The following MAGI2 variants were observed in gnomAD, a reference collection of about 807,000 sequenced individuals.
The protein encoded by MAGI2 is membrane associated guanylate kinase, WW and PDZ domain containing 2, also known as membrane-associated guanylate kinase, WW and PDZ domain-containing protein 2.
A neutral mutation model predicts 133.3 loss-of-function variants in MAGI2; 35 were observed. The observed-to-expected ratio is 0.26, with a 90% CI of 0.20 to 0.35. The LOEUF (loss-of-function observed/expected upper bound fraction) is 0.35, where lower values mean the gene tolerates loss of function less well. MAGI2 is among the 10% of genes least tolerant of loss of function. The pLI, the probability that MAGI2 is intolerant of heterozygous loss-of-function variation, is 1.00. For missense variants in MAGI2, 1,636 were observed against 1,863.4 expected, an observed-to-expected ratio of 0.88 and a Z score of 2.25; for synonymous variants, 729 against 710.6, an observed-to-expected ratio of 1.03 and a Z score of -0.41.
At chr7:78,470,727 T>C (rs1038450773) in intron 6 of MAGI2, among the ~76,000 whole-genome samples, 2 of 152,092 alleles carry the variant, frequency 1.3e-5, no homozygotes, top group Non-Finnish European at 2.9e-5. Flanking sequence ...CATAGAGAAG[T>C]GATAATTTTT....
chr7:78,461,680 G>C (rs1790034454), intron 6 of MAGI2, among the ~76,000 whole-genome samples: 1 of 152,026 alleles, frequency 6.6e-6, no homozygotes, highest in African/African-American at 2.4e-5. Flanking sequence ...GGGAGGCTGA[G>C]GTGGGCGGAT....
intron 2 of MAGI2, among the ~76,000 whole-genome samples, chr7:78,705,687 C>T (rs934203807): frequency 3.9e-5 from 6 of 151,926 alleles, no homozygotes; most frequent in Non-Finnish European, 5.9e-5. Flanking sequence ...GTCATGTAGG[C>T]CAATATTTTC....
chr7:79,251,117 C>T (rs1585326998), intron 1 of MAGI2, among the ~76,000 whole-genome samples: 1 of 152,212 alleles, frequency 6.6e-6, no homozygotes, highest in South Asian at 2.1e-4. Context: ...AATCTGAGAC[C>T]TCAAACTATG....
In MAGI2 at chr7:78,179,577, A is replaced by C. The variant is rs144221274; in HGVS notation, c.2312-1475T>G. Among the ~76,000 whole-genome samples, 5 of 152,344 alleles carry C rather than the reference A, an allele frequency of 3.3e-5. No homozygotes were observed. The East Asian group carries it at 9.6e-4, about 29-fold the overall frequency. ...ATAAAGATGAATCAGGCGCTTAAGT[A>C]CATATGTTTATATGCATTGTACAAG... On this transcript the variant is annotated intron_variant, in intron 13 of 21. Transcript: ENST00000354212.
chr7:79,129,196 A>G (rs576911447), intron 1 of MAGI2, among the ~76,000 whole-genome samples: 1 of 152,314 alleles, frequency 6.6e-6, no homozygotes, highest in East Asian at 1.9e-4. Context: ...GAACACTTAC[A>G]TTAGCCTACA....
chr7:78,106,296 T>G (rs1818685324), intron 20 of MAGI2, among the ~76,000 whole-genome samples: 1 of 152,302 alleles, frequency 6.6e-6, no homozygotes, highest in East Asian at 1.9e-4. Flanking sequence ...TCTTTGCTAT[T>G]GTGAATACCA....
intron 2 of MAGI2, among the ~76,000 whole-genome samples, chr7:78,835,527 G>A (rs1791543399): frequency 6.6e-6 from 1 of 152,184 alleles, no homozygotes; most frequent in African/African-American, 2.4e-5. Context: ...CCCTGAGGAA[G>A]TGAATCTCCT....
intron 1 of MAGI2, among the ~76,000 whole-genome samples, chr7:79,357,709 G>A (rs1842114183): frequency 6.6e-6 from 1 of 152,056 alleles, no homozygotes; most frequent in African/African-American, 2.4e-5. Flanking sequence ...TTTAAGAAAT[G>A]GAACCCCATC....
intron 2 of MAGI2, among the ~76,000 whole-genome samples, chr7:78,694,525 TAC>T (rs1817297447): frequency 1.3e-5 from 2 of 152,226 alleles, no homozygotes; most frequent in East Asian, 3.9e-4. Context: ...TACACACTCA[TAC>T]ACAGAGACTC....
chr7:78,505,291 A>G (rs188939786), intron 4 of MAGI2, among the ~76,000 whole-genome samples: 2 of 152,318 alleles, frequency 1.3e-5, no homozygotes, highest in East Asian at 1.9e-4. Flanking sequence ...GAAATAAAGT[A>G]TCTATTAGAA....
At chr7:78,748,400 T>C (rs1439164277) in intron 2 of MAGI2, among the ~76,000 whole-genome samples, 1 of 152,200 alleles carries the variant, frequency 6.6e-6, no homozygotes, top group Non-Finnish European at 1.5e-5. Context: ...GATAAGATCC[T>C]CATCAAATTG....
At chr7:79,122,523 A>G (rs1819995921) in intron 1 of MAGI2, among the ~76,000 whole-genome samples, 1 of 152,242 alleles carries the variant, frequency 6.6e-6, no homozygotes, top group Admixed American at 6.5e-5. Context: ...CATAGAGTTT[A>G]TCACATTATC....
At chr7:78,478,835 A>G in intron 6 of MAGI2, among the ~76,000 whole-genome samples, 1 of 151,998 alleles carries the variant, frequency 6.6e-6, no homozygotes, top group East Asian at 1.9e-4. Flanking sequence ...GGAATGGACA[A>G]CAGGCATCAA....
rs11763083 is a variant in MAGI2, at chr7:78,194,659, A to C, written c.2269+215T>G. 0.016 allele frequency among the ~76,000 whole-genome samples: 2,432 copies of C among 152,330 alleles called. 34 individuals carry two copies. The highest frequency in any genetic ancestry group is 0.024 in the Middle Eastern group (7 of 294). On this transcript the variant is annotated intron_variant, in intron 12 of 21. Transcript: ENST00000354212. ...TTTTCTTCAGGAGATTAGGGGAAGA[A>C]AAGTAGGAGATAAAATATAAGGCAA... is the stretch of plus-strand genomic sequence containing the variant.
chr7:79,291,369 T>C (rs889146156), intron 1 of MAGI2, among the ~76,000 whole-genome samples: 36 of 152,188 alleles, frequency 2.4e-4, no homozygotes, highest in African/African-American at 8.2e-4. Flanking sequence ...CATGCTTTCA[T>C]AAACATTTGT....
intron 10 of MAGI2, among the ~76,000 whole-genome samples, chr7:78,244,226 A>AGG (rs1791515021): frequency 6.6e-6 from 1 of 150,682 alleles, no homozygotes; most frequent in Non-Finnish European, 1.5e-5. Context: ...AACTACTCTC[A>AGG]GGTAAAGTGG....
At chr7:78,555,011 C>G (rs1460668986) in intron 3 of MAGI2, among the ~76,000 whole-genome samples, 1 of 151,752 alleles carries the variant, frequency 6.6e-6, no homozygotes, top group Non-Finnish European at 1.5e-5. Flanking sequence ...TAAAATCAGC[C>G]AGGTAAGGCA....
intron 3 of MAGI2, among the ~76,000 whole-genome samples, chr7:78,529,168 C>T (rs939907841): frequency 6.6e-6 from 1 of 152,142 alleles, no homozygotes; most frequent in African/African-American, 2.4e-5. Context: ...TTAAATTTGA[C>T]TAACATTTCC....
In MAGI2 at chr7:78,808,405, C is replaced by T. The variant is rs969464144; in HGVS notation, c.419-181166G>A. The stretch of plus-strand genomic sequence containing the variant: ...CCAAGTAGCTGGGACTACAGGTGCC[C>T]GCCACCACGCCTGGCTAATTTTTTG... On this transcript the variant is annotated intron_variant, in intron 2 of 21. Coordinates refer to ENST00000354212, the MANE Select transcript of MAGI2 (RefSeq NM_012301.4). 7.3e-4 allele frequency among the ~76,000 whole-genome samples: 111 copies of T among 152,052 alleles called. 1 individual carries two copies. The highest frequency in any genetic ancestry group is 7.1e-4 in the Non-Finnish European group (48 of 67,980).
Sources: gnomAD v4.1 joint callset for allele counts (sites outside exome capture counted in the v4.1 genomes callset) on GRCh38, gnomAD v4.1.1 for gene constraint, MANE v1.5 for transcripts, NCBI Gene and HGNC (gene_info 2026-07-23, HGNC 2026-07-21) for gene names.